The following CSGALNACT1 variants were observed in gnomAD, a reference collection of about 807,000 sequenced individuals.
CSGALNACT1 encodes chondroitin sulfate N-acetylgalactosaminyltransferase 1.
Under a neutral mutation model 51.0 loss-of-function variants are expected in CSGALNACT1, and 52 were observed. The observed-to-expected ratio is 1.02, with a 90% CI of 0.82 to 1.29. The LOEUF is 1.29. Ranked by LOEUF, CSGALNACT1 falls within the 50% of genes most tolerant of loss-of-function variation. The pLI, the probability that CSGALNACT1 is intolerant of heterozygous loss-of-function variation, is 0.00. For synonymous variants in CSGALNACT1, 341 were observed against 254.4 expected, an observed-to-expected ratio of 1.34 and a Z score of -3.24; for missense variants, 935 against 679.2, an observed-to-expected ratio of 1.38 and a Z score of -4.19.
In CSGALNACT1 at chr8:19,495,689, G is replaced by C. The variant is rs139024958; in HGVS notation, c.634+9512C>G. 5.1e-3 allele frequency among the ~76,000 whole-genome samples: 778 copies of C among 152,286 alleles called. 4 individuals are homozygous for C. The highest frequency in any genetic ancestry group is 0.018 in the African/African-American group (735 of 41,560). On this transcript the variant is annotated intron_variant, in intron 4 of 9. Coordinates refer to ENST00000454498, the Ensembl canonical transcript of CSGALNACT1. ...AGCTACTGACTGGCAAAGGAAGTCT[G>C]CCAGAAAAAGAAGCACAAGATTCGG... is the stretch of plus-strand genomic sequence containing the variant.
intron 3 of CSGALNACT1, among the ~76,000 whole-genome samples, chr8:19,531,282 T>C (rs901146601): frequency 1.6e-4 from 25 of 152,262 alleles, no homozygotes; most frequent in African/African-American, 5.1e-4. Context: ...ATAATCAGTC[T>C]GCCAGAATTT....
At chr8:19,599,920 A>G (rs2050031543) in intron 2 of CSGALNACT1, among the ~76,000 whole-genome samples, 1 of 152,240 alleles carries the variant, frequency 6.6e-6, no homozygotes, top group South Asian at 2.1e-4. Context: ...ATGCTTGGCA[A>G]TCACAGGATC....
At chr8:19,514,486 T>TATATATATATATAC (rs1198981157) in intron 3 of CSGALNACT1, among the ~76,000 whole-genome samples, 3 of 81,742 alleles carry the variant, frequency 3.7e-5, no homozygotes, top group African/African-American at 1.5e-4. Flanking sequence ...TATATATATA[T>TATATATATATATAC]ATATATATAT....
intron 3 of CSGALNACT1, among the ~76,000 whole-genome samples, chr8:19,586,053 C>G (rs1015560268): frequency 3.9e-5 from 6 of 152,150 alleles, no homozygotes; most frequent in South Asian, 4.1e-4. Flanking sequence ...AGGAAACATG[C>G]TTAACATCAA....
At chr8:19,643,358 C>A (rs2056933637) in intron 1 of CSGALNACT1, among the ~76,000 whole-genome samples, 1 of 152,058 alleles carries the variant, frequency 6.6e-6, no homozygotes, top group East Asian at 1.9e-4. Flanking sequence ...GAGCTTTCAC[C>A]AGGCACAGTG....
chr8:19,509,144 CA>C (rs1444761395), intron 3 of CSGALNACT1, among the ~76,000 whole-genome samples: 3 of 152,198 alleles, frequency 2.0e-5, no homozygotes, highest in Admixed American at 1.3e-4. Context: ...CATTCTTTAA[CA>C]GACAAAATAT....
intron 1 of CSGALNACT1, among the ~76,000 whole-genome samples, chr8:19,644,973 A>G (rs1239343129): frequency 6.6e-6 from 1 of 152,194 alleles, no homozygotes; most frequent in Non-Finnish European, 1.5e-5. Context: ...CTGTCTGGCC[A>G]AGAAACAAAT....
chr8:19,532,384 C>G (rs1177166647), intron 3 of CSGALNACT1, among the ~76,000 whole-genome samples: 2 of 152,012 alleles, frequency 1.3e-5, no homozygotes, highest in African/African-American at 4.8e-5. Flanking sequence ...GACATATGAG[C>G]CCGGTATTTT....
chr8:19,485,104 A>T (rs147320280), intron 4 of CSGALNACT1, among the ~76,000 whole-genome samples: 29 of 152,306 alleles, frequency 1.9e-4, no homozygotes, highest in African/African-American at 7.0e-4. Flanking sequence ...CATATAATAC[A>T]ACCAATGATG....
chr8:19,616,296 A>G (rs1364707940), intron 1 of CSGALNACT1, among the ~76,000 whole-genome samples: 1 of 152,218 alleles, frequency 6.6e-6, no homozygotes, highest in Non-Finnish European at 1.5e-5. Context: ...CCTCAAGTCC[A>G]AGATAAACGA....
intron 1 of CSGALNACT1, among the ~76,000 whole-genome samples, chr8:19,662,058 GCCCCCACCCCCCCCCACC>G (rs2058786312): frequency 1.2e-4 from 4 of 33,954 alleles, no homozygotes; most frequent in Admixed American, 3.2e-4. Context: ...TATTACAGTT[GCCCCCACCCCCCCCCACC>G]CCCCCCCCCC....
chr8:19,732,736 G>A (rs139930364), intron 1 of CSGALNACT1, among the ~76,000 whole-genome samples: 10 of 152,288 alleles, frequency 6.6e-5, no homozygotes, highest in South Asian at 2.1e-4. Flanking sequence ...TATAAATTAC[G>A]TCATTTCAAA....
chr8:19,670,650 C>CTAAAAA (rs2059722652), intron 1 of CSGALNACT1, among the ~76,000 whole-genome samples: 1 of 92,848 alleles, frequency 1.1e-5, no homozygotes, highest in African/African-American at 4.2e-5. Flanking sequence ...CTACTGAAGA[C>CTAAAAA]AAAAAAAAAA....
intron 3 of CSGALNACT1, among the ~76,000 whole-genome samples, chr8:19,568,802 CCCTGTTAGAGCTA>C (rs1466998100): frequency 6.6e-6 from 1 of 152,118 alleles, no homozygotes; most frequent in African/African-American, 2.4e-5. Context: ...TTCCATAGCT[CCCTGTTAGAGCTA>C]CCTTTAAATG....
At chr8:19,633,870 T>G (rs893907778) in intron 1 of CSGALNACT1, among the ~76,000 whole-genome samples, 2 of 152,170 alleles carry the variant, frequency 1.3e-5, no homozygotes, top group Admixed American at 6.5e-5. Context: ...CATGCCAAAC[T>G]GGTGGCATGC....
At chr8:19,668,771 T>C (rs1465607897) in intron 1 of CSGALNACT1, among the ~76,000 whole-genome samples, 1 of 152,174 alleles carries the variant, frequency 6.6e-6, no homozygotes, top group East Asian at 1.9e-4. Flanking sequence ...CAGGCTGGTC[T>C]TGAACTCCTG....
chr8:19,667,040 G>GGAGAGACAGAGAAA (rs1491182350), intron 1 of CSGALNACT1, among the ~76,000 whole-genome samples: 3 of 34,974 alleles, frequency 8.6e-5, no homozygotes, highest in Admixed American at 2.9e-4. Flanking sequence ...AGGAAGGAAG[G>GGAGAGACAGAGAAA]AAGAAAGAAA....
At chr8:19,572,966 A>G (rs2043339122) in intron 3 of CSGALNACT1, among the ~76,000 whole-genome samples, 4 of 152,218 alleles carry the variant, frequency 2.6e-5, no homozygotes, top group Admixed American at 2.6e-4. Context: ...AGGCAGTACG[A>G]GGGATTCAGA....
At chr8:19,756,413 G>C (rs1013645505) in intron 1 of CSGALNACT1, among the ~76,000 whole-genome samples, 2 of 152,166 alleles carry the variant, frequency 1.3e-5, no homozygotes, top group African/African-American at 2.4e-5. Context: ...GTTTTGGCAG[G>C]CACAGTGCTG....
Sources: gnomAD v4.1 joint callset for allele counts (sites outside exome capture counted in the v4.1 genomes callset) on GRCh38, gnomAD v4.1.1 for gene constraint, MANE v1.5 for transcripts, NCBI Gene and HGNC (gene_info 2026-07-23, HGNC 2026-07-21) for gene names.